IQCJ: variants seen among roughly 807,000 people sequenced by gnomAD.
IQCJ encodes IQ motif containing J.
IQCJ carries 9 observed loss-of-function variants against 11.0 expected under a neutral mutation model. That is an observed-to-expected ratio of 0.82 (90% CI 0.49 to 1.43). The LOEUF (loss-of-function observed/expected upper bound fraction) is 1.43, where lower values mean the gene tolerates loss of function less well. Ranked by LOEUF, IQCJ falls within the 40% of genes most tolerant of loss-of-function variation. The pLI is 0.00. For missense variants in IQCJ, 146 were observed against 133.2 expected (o/e 1.10, Z -0.47); for synonymous variants, 55 against 51.3 (o/e 1.07, Z -0.31).
Position 159,156,975 on chromosome 3 carries a change from C to T in IQCJ, c.9+87534C>T, listed in dbSNP as rs143829183. On this transcript the variant is annotated intron_variant, in intron 1 of 3. Coordinates refer to ENST00000397832, the MANE Select transcript of IQCJ (RefSeq NM_001042706.3). ...ATAACCTACACCTGGCTGTTTTTAC[C>T]AATGGACCTGGCATTTCAAAGCTGT... is the stretch of plus-strand genomic sequence containing the variant. Among the ~76,000 whole-genome samples the T allele has an allele frequency of 3.2e-3, 480 of 152,240 alleles. 1 individual carries two copies. Among genetic ancestry groups the T allele is most frequent in the African/African-American group, 0.011 (454 of 41,538 alleles).
At chr3:159,203,605 T>C (rs1382374211) in intron 1 of IQCJ, among the ~76,000 whole-genome samples, 1 of 151,898 alleles carries the variant, frequency 6.6e-6, no homozygotes, top group East Asian at 1.9e-4. Flanking sequence ...TAAGTGTGGA[T>C]TGTAGCTGAA....
At chr3:159,108,235 C>T (rs1718395474) in intron 1 of IQCJ, among the ~76,000 whole-genome samples, 1 of 152,100 alleles carries the variant, frequency 6.6e-6, no homozygotes, top group Non-Finnish European at 1.5e-5. Context: ...TTTCCCAGCT[C>T]TCCTTTTATG....
chr3:159,116,427 C>T (rs1171921922), intron 1 of IQCJ, among the ~76,000 whole-genome samples: 1 of 151,736 alleles, frequency 6.6e-6, no homozygotes, highest in Non-Finnish European at 1.5e-5. Flanking sequence ...TTAATCTTCT[C>T]CTCAGCAGTG....
chr3:159,163,431 A>G (rs980715524), intron 1 of IQCJ, among the ~76,000 whole-genome samples: 36 of 152,352 alleles, frequency 2.4e-4, no homozygotes, highest in Admixed American at 1.1e-3. Context: ...TCTCAAAATA[A>G]TAAGAGCTAT....
chr3:159,240,616 A>G (rs977200053), intron 1 of IQCJ, among the ~76,000 whole-genome samples: 4 of 152,244 alleles, frequency 2.6e-5, no homozygotes, highest in African/African-American at 9.6e-5. Flanking sequence ...TAGACACTCT[A>G]TAATAGATCT....
chr3:159,130,039 A>G (rs1719902431), intron 1 of IQCJ, among the ~76,000 whole-genome samples: 1 of 152,122 alleles, frequency 6.6e-6, no homozygotes. Context: ...CAGTTCCACC[A>G]TAGGATTTCT....
At chr3:159,169,447 A>G (rs1020924363) in intron 1 of IQCJ, among the ~76,000 whole-genome samples, 2 of 151,514 alleles carry the variant, frequency 1.3e-5, no homozygotes, top group Non-Finnish European at 2.9e-5. Flanking sequence ...CACCACACCC[A>G]GCTAATTTTT....
intron 1 of IQCJ, among the ~76,000 whole-genome samples, chr3:159,128,902 T>C (rs1719832020): frequency 6.6e-6 from 1 of 152,204 alleles, no homozygotes; most frequent in South Asian, 2.1e-4. Flanking sequence ...AGAACTCATA[T>C]GCCCTTTGTT....
intron 1 of IQCJ, among the ~76,000 whole-genome samples, chr3:159,207,459 T>G (rs1724715898): frequency 6.6e-6 from 1 of 152,086 alleles, no homozygotes; most frequent in Non-Finnish European, 1.5e-5. Flanking sequence ...ATGGGGAAAT[T>G]CAAGATACCA....
chr3:159,264,712 G>C (rs1728405054), downstream of IQCJ, among the ~76,000 whole-genome samples: 1 of 152,132 alleles, frequency 6.6e-6, no homozygotes, highest in Non-Finnish European at 1.5e-5. Context: ...AGGAGTTTGA[G>C]ATCAGCCTAG....
intron 1 of IQCJ, among the ~76,000 whole-genome samples, chr3:159,205,677 A>G (rs1395017606): frequency 6.6e-6 from 1 of 152,192 alleles, no homozygotes; most frequent in Non-Finnish European, 1.5e-5. Context: ...CTTTTTTGGT[A>G]GGGTTAAATC....
At chr3:159,220,994 A>G (rs555890199) in intron 1 of IQCJ, among the ~76,000 whole-genome samples, 6 of 152,290 alleles carry the variant, frequency 3.9e-5, no homozygotes, top group Non-Finnish European at 7.4e-5. Flanking sequence ...ACAAGGGAAT[A>G]TATGTGCCAT....
At chr3:159,132,718 G>A (rs904007209) in intron 1 of IQCJ, among the ~76,000 whole-genome samples, 6 of 152,132 alleles carry the variant, frequency 3.9e-5, no homozygotes, top group South Asian at 2.1e-4. Flanking sequence ...GGAAGATGTC[G>A]TATCTAGTTT....
intron 1 of IQCJ, among the ~76,000 whole-genome samples, chr3:159,091,525 A>G (rs1229083213): frequency 6.6e-6 from 1 of 151,718 alleles, no homozygotes; most frequent in Non-Finnish European, 1.5e-5. Flanking sequence ...ACTTTCTAAT[A>G]TCATCACCTT....
intron 1 of IQCJ, among the ~76,000 whole-genome samples, chr3:159,090,273 C>T (rs1015295308): frequency 1.3e-5 from 2 of 151,784 alleles, no homozygotes; most frequent in African/African-American, 4.9e-5. Context: ...CTTAAGGAGG[C>T]AGTCTGCCCG....
At chr3:159,204,749 A>C (rs1724547860) in intron 1 of IQCJ, among the ~76,000 whole-genome samples, 1 of 152,230 alleles carries the variant, frequency 6.6e-6, no homozygotes, top group Non-Finnish European at 1.5e-5. Context: ...TAATAGGGCC[A>C]GGTCTTCAGG....
chr3:159,106,706 C>T (rs1216192909), intron 1 of IQCJ, among the ~76,000 whole-genome samples: 2 of 152,074 alleles, frequency 1.3e-5, no homozygotes, highest in Non-Finnish European at 2.9e-5. Flanking sequence ...GTGTCATACC[C>T]CACAAGTTAG....
chr3:159,129,158 G>A (rs1298853789), intron 1 of IQCJ, among the ~76,000 whole-genome samples: 1 of 152,140 alleles, frequency 6.6e-6, no homozygotes, highest in Non-Finnish European at 1.5e-5. Context: ...ATAATTATTA[G>A]TATTTCCATC....
intron 2 of IQCJ, among the ~76,000 whole-genome samples, chr3:159,249,023 T>A (rs551132246): frequency 1.3e-5 from 2 of 152,166 alleles, no homozygotes; most frequent in South Asian, 2.1e-4. Context: ...CACCGGCTAA[T>A]TTTTGTATTT....
Sources: allele counts gnomAD v4.1 joint callset (sites outside exome capture counted in the v4.1 genomes callset), GRCh38; gene constraint gnomAD v4.1.1; transcripts MANE v1.5; gene names NCBI Gene and HGNC (gene_info 2026-07-23, HGNC 2026-07-21).